The following DPYD variants were observed in gnomAD, a reference collection of about 807,000 sequenced individuals.
DPYD encodes dihydropyrimidine dehydrogenase.
DPYD carries 109 observed loss-of-function variants against 116.2 expected under a neutral mutation model. That is an observed-to-expected ratio of 0.94 (90% CI 0.80 to 1.10). The LOEUF (loss-of-function observed/expected upper bound fraction) is 1.10, where lower values mean the gene tolerates loss of function less well. Among genes scored for constraint, DPYD ranks in the 50% least tolerant of loss-of-function variants. DPYD has a pLI of 0.00. For synonymous variants in DPYD, 440 were observed against 432.0 expected, an observed-to-expected ratio of 1.02 and a Z score of -0.23; for missense variants, 1,302 against 1,254.5, an observed-to-expected ratio of 1.04 and a Z score of -0.57.
intron 4 of DPYD, 75 bp from the exon 5 acceptor site, chr1:97,721,746 T>C (rs1662938768): frequency 7.3e-7 from 1 of 1,369,264 alleles, no homozygotes; most frequent in Non-Finnish European, 1.0e-6. Context: ...ACAAACATTA[T>C]TTCTTCTACT....
chr1:97,793,620 T>C lies in DPYD; in HGVS notation c.233+34494A>G, dbSNP rs150713687. Among the ~76,000 whole-genome samples, 368 of 152,188 alleles carry C rather than the reference T, an allele frequency of 2.4e-3. 1 individual carries two copies. The highest frequency in any genetic ancestry group is 6.8e-3 in the Middle Eastern group (2 of 294). On this transcript the variant is annotated intron_variant, in intron 3 of 22. Transcript: ENST00000370192. ...GAGAAATGAGTCTTTTCCACAATGG[T>C]GTTAAAACAATTGGATGCCCATATG...
chr1:97,644,515 G>A (rs558391617), intron 8 of DPYD, among the ~76,000 whole-genome samples: 7 of 151,996 alleles, frequency 4.6e-5, no homozygotes, highest in Non-Finnish European at 8.8e-5. Flanking sequence ...TGCAACCTCC[G>A]CCTCTTGGAT....
intron 16 of DPYD, among the ~76,000 whole-genome samples, chr1:97,344,980 T>G (rs1669771560): frequency 6.6e-6 from 1 of 151,944 alleles, no homozygotes; most frequent in Admixed American, 6.6e-5. Flanking sequence ...ACACTCTCTA[T>G]AGCACTAATG....
chr1:97,311,969 G>C (rs1667547737), intron 16 of DPYD, among the ~76,000 whole-genome samples: 1 of 149,118 alleles, frequency 6.7e-6, no homozygotes, highest in African/African-American at 2.6e-5. Flanking sequence ...AGAGGGTTGT[G>C]TTAGGGTGGG....
chr1:97,622,194 G>A (rs929600723), intron 8 of DPYD, among the ~76,000 whole-genome samples: 1 of 151,964 alleles, frequency 6.6e-6, no homozygotes, highest in African/African-American at 2.4e-5. Flanking sequence ...TAATTTTTTA[G>A]TGGAGAAACC....
intron 11 of DPYD, among the ~76,000 whole-genome samples, chr1:97,573,452 T>G (rs1653045088): frequency 6.6e-6 from 1 of 152,060 alleles, no homozygotes; most frequent in Middle Eastern, 3.2e-3. Flanking sequence ...CTTACTCTAG[T>G]CTAATTGAAG....
intron 4 of DPYD, among the ~76,000 whole-genome samples, chr1:97,733,687 A>T (rs914792695): frequency 1.3e-5 from 2 of 152,108 alleles, no homozygotes; most frequent in Admixed American, 1.3e-4. Flanking sequence ...GTCCCTTTAC[A>T]TTGTAATTAC....
At chr1:97,727,957 A>G (rs1663364724) in intron 4 of DPYD, among the ~76,000 whole-genome samples, 1 of 151,900 alleles carries the variant, frequency 6.6e-6, no homozygotes, top group South Asian at 2.1e-4. Flanking sequence ...TACTTTATAG[A>G]CACCCCAGCA....
intron 22 of DPYD, among the ~76,000 whole-genome samples, chr1:97,081,857 T>C (rs1649179602): frequency 6.6e-6 from 1 of 151,946 alleles, no homozygotes; most frequent in Non-Finnish European, 1.5e-5. Context: ...GACCAACCTA[T>C]ACAACTCGTT....
chr1:97,115,953 G>A (rs916649730), intron 20 of DPYD, among the ~76,000 whole-genome samples: 1 of 152,050 alleles, frequency 6.6e-6, no homozygotes, highest in African/African-American at 2.4e-5. Flanking sequence ...TTTTATTCCT[G>A]AGAATATGAA....
At chr1:97,439,774 CTT>C (rs1289295134) in intron 14 of DPYD, among the ~76,000 whole-genome samples, 4 of 151,614 alleles carry the variant, frequency 2.6e-5, no homozygotes, top group African/African-American at 9.7e-5. Context: ...TCAATCTGCT[CTT>C]TTTTTAGTTT....
intron 3 of DPYD, among the ~76,000 whole-genome samples, chr1:97,794,198 CA>C (rs1667457882): frequency 6.6e-6 from 1 of 152,058 alleles, no homozygotes; most frequent in African/African-American, 2.4e-5. Context: ...TCAGCCTTCC[CA>C]AATTTTGGGA....
At chr1:97,772,481 A>G (rs968315905) in intron 3 of DPYD, among the ~76,000 whole-genome samples, 1 of 152,230 alleles carries the variant, frequency 6.6e-6, no homozygotes, top group Non-Finnish European at 1.5e-5. Context: ...GTCATCTATA[A>G]AAGTATAATT....
At chr1:97,135,848 G>T (rs1284129889) in intron 20 of DPYD, among the ~76,000 whole-genome samples, 3 of 152,098 alleles carry the variant, frequency 2.0e-5, no homozygotes, top group African/African-American at 7.2e-5. Context: ...AAAAATGATG[G>T]ACTAATAGTG....
chr1:97,684,389 AAG>A (rs369682567), intron 7 of DPYD, among the ~76,000 whole-genome samples: 5 of 152,192 alleles, frequency 3.3e-5, no homozygotes, highest in African/African-American at 1.2e-4. Flanking sequence ...GCTGTGGCCT[AAG>A]AGACTGTTAG....
intron 22 of DPYD, 73 bp from the exon 23 acceptor site, chr1:97,079,219 A>G (rs1648989480): frequency 3.3e-6 from 5 of 1,536,772 alleles, no homozygotes; most frequent in Admixed American, 1.7e-5. Context: ...TAGCGTTAAC[A>G]TTTTTCTCTG....
chr1:97,679,895 GT>G (rs1003393494), intron 7 of DPYD, among the ~76,000 whole-genome samples: 3 of 152,090 alleles, frequency 2.0e-5, no homozygotes, highest in African/African-American at 7.2e-5. Context: ...GATTCCCCTA[GT>G]CCTTTCCCAA....
intron 13 of DPYD, among the ~76,000 whole-genome samples, chr1:97,478,146 T>C (rs879831893): frequency 6.6e-6 from 1 of 152,206 alleles, no homozygotes; most frequent in South Asian, 2.1e-4. Flanking sequence ...CCAGGTTGAT[T>C]GTCAAGAAGG....
chr1:97,749,460 C>CA (rs1392495291), intron 3 of DPYD, among the ~76,000 whole-genome samples: 1 of 152,112 alleles, frequency 6.6e-6, no homozygotes, highest in Non-Finnish European at 1.5e-5. Flanking sequence ...TTTCCTTTCT[C>CA]AAAATCCTTC....
Sources: gnomAD v4.1 joint callset for allele counts (sites outside exome capture counted in the v4.1 genomes callset) on GRCh38, gnomAD v4.1.1 for gene constraint, MANE v1.5 for transcripts, NCBI Gene and HGNC (gene_info 2026-07-23, HGNC 2026-07-21) for gene names.